EPHA7: variants seen among roughly 807,000 people sequenced by gnomAD.
EPHA7 encodes EPH receptor A7, also known as ephrin type-A receptor 7.
Under a neutral mutation model 112.6 loss-of-function variants are expected in EPHA7, and 25 were observed. The ratio of observed to expected loss-of-function variants is 0.22; its 90% CI spans 0.16 to 0.31. The LOEUF (loss-of-function observed/expected upper bound fraction) is 0.31. Among genes scored for constraint, EPHA7 ranks in the 10% least tolerant of loss-of-function variants. The pLI is 1.00. For synonymous variants in EPHA7, 437 were observed against 406.5 expected (o/e 1.07, Z -0.90); for missense variants, 962 against 1,212.6 (o/e 0.79, Z 3.07).
chr6:93,261,248 G>C (rs2127863034), intron 9 of EPHA7, among the ~76,000 whole-genome samples: 1 of 151,660 alleles, frequency 6.6e-6, no homozygotes, highest in African/African-American at 2.4e-5. Context: ...ATGAAAAGTT[G>C]AGGGTGCCTG....
At chr6:93,366,237 A>G (rs1454702606) in intron 3 of EPHA7, among the ~76,000 whole-genome samples, 1 of 152,204 alleles carries the variant, frequency 6.6e-6, no homozygotes, top group Non-Finnish European at 1.5e-5. Context: ...GTAATATGAT[A>G]CAGTGAAAGA....
chr6:93,251,418 T>C (rs1212777651), intron 14 of EPHA7, among the ~76,000 whole-genome samples: 1 of 151,784 alleles, frequency 6.6e-6, no homozygotes, highest in Non-Finnish European at 1.5e-5. Flanking sequence ...ATCTACCTAC[T>C]AGGAAAATTA....
At chr6:93,385,938 A>G (rs1777580218) in intron 3 of EPHA7, among the ~76,000 whole-genome samples, 1 of 152,150 alleles carries the variant, frequency 6.6e-6, no homozygotes, top group Non-Finnish European at 1.5e-5. Context: ...GAGTGGAGTC[A>G]AGGAAACTCC....
chr6:93,264,570 G>A, intron 8 of EPHA7, 24 bp downstream of exon 8: 1 of 1,441,178 alleles, frequency 6.9e-7, no homozygotes, highest in Non-Finnish European at 9.7e-7. Context: ...TTATGTTAGA[G>A]ATTAGAACAA....
At chr6:93,265,169 T>C (rs561835084) in intron 7 of EPHA7, among the ~76,000 whole-genome samples, 2 of 151,752 alleles carry the variant, frequency 1.3e-5, no homozygotes, top group East Asian at 3.9e-4. Flanking sequence ...TATCATCAAT[T>C]AAAATGGAAA....
intron 1 of EPHA7, among the ~76,000 whole-genome samples, chr6:93,416,685 C>T (rs1360483252): frequency 1.3e-5 from 2 of 152,224 alleles, no homozygotes; most frequent in Non-Finnish European, 2.9e-5. Context: ...TGCCGACCTC[C>T]CTTTGCGCCC....
intron 5 of EPHA7, among the ~76,000 whole-genome samples, chr6:93,342,457 C>T (rs927170205): frequency 1.3e-5 from 2 of 151,758 alleles, no homozygotes; most frequent in African/African-American, 2.4e-5. Context: ...ATGGAGATTG[C>T]AACCATAAAA....
At chr6:93,388,150 C>T (rs1268328022) in intron 3 of EPHA7, among the ~76,000 whole-genome samples, 8 of 152,092 alleles carry the variant, frequency 5.3e-5, no homozygotes. Flanking sequence ...TATCACATTA[C>T]TTTGTGCACT....
chr6:93,256,149 T>C, intron 12 of EPHA7, 112 bp from the exon 13 acceptor site: 1 of 862,308 alleles, frequency 1.2e-6, no homozygotes, highest in Non-Finnish European at 1.8e-6. Flanking sequence ...ATAGGAATTG[T>C]TAATTTTTTA....
chr6:93,385,288 G>A (rs920476865), intron 3 of EPHA7, among the ~76,000 whole-genome samples: 8 of 151,970 alleles, frequency 5.3e-5, no homozygotes, highest in Admixed American at 1.3e-4. Flanking sequence ...ATATGTGTAC[G>A]CATATGAATA....
chr6:93,329,510 A>G (rs561021693), intron 5 of EPHA7, among the ~76,000 whole-genome samples: 256 of 151,480 alleles, frequency 1.7e-3, no homozygotes, highest in African/African-American at 5.0e-3. Flanking sequence ...AAAGAACATG[A>G]GTGCTATGCC....
intron 5 of EPHA7, among the ~76,000 whole-genome samples, chr6:93,277,161 T>C (rs567485578): frequency 9.5e-4 from 145 of 152,196 alleles, no homozygotes; most frequent in African/African-American, 3.4e-3. Flanking sequence ...TTTTTAGCAA[T>C]CCTTGAAATA....
chr6:93,419,508 C>G lies in EPHA7; in HGVS notation c.-167G>C, dbSNP rs1185685929. 3 of 578,242 alleles carry G rather than the reference C, an allele frequency of 5.2e-6. No homozygotes were observed. Among genetic ancestry groups the G allele is most frequent in the Admixed American group, 3.4e-5 (1 of 29,674 alleles). 35.8% of individuals were successfully genotyped at this position (578,242 alleles called of 1,614,324 possible). The stretch of plus-strand genomic sequence containing the variant: ...TTAGCTTTTTTTAATTTCCCCCCCA[C>G]TCCTGTTCGCTCGCACCGTGTTTGC... On this transcript the variant is annotated 5_prime_UTR_variant, in exon 1 of 17. Transcript: ENST00000369303.
chr6:93,388,330 T>C (rs1391334652), intron 3 of EPHA7, among the ~76,000 whole-genome samples: 1 of 152,144 alleles, frequency 6.6e-6, no homozygotes, highest in African/African-American at 2.4e-5. Flanking sequence ...CAAAAGGCAT[T>C]TTCTCACCCT....
At chr6:93,391,186 T>C (rs1777887727) in intron 3 of EPHA7, among the ~76,000 whole-genome samples, 2 of 152,000 alleles carry the variant, frequency 1.3e-5, no homozygotes, top group African/African-American at 4.8e-5. Context: ...CAGAATTTTC[T>C]AGCAGGTGCT....
At chr6:93,260,522 T>C in intron 9 of EPHA7, 2 of 958,554 alleles carry the variant, frequency 2.1e-6, no homozygotes, top group Non-Finnish European at 2.5e-6. Context: ...TGAACAATCT[T>C]TTCATCAAAT....
chr6:93,414,629 A>G, intron 2 of EPHA7, 74 bp downstream of exon 2: 1 of 1,140,112 alleles, frequency 8.8e-7, no homozygotes. Flanking sequence ...AGTGTGAATA[A>G]TTACCCTGGA....
intron 9 of EPHA7, chr6:93,260,837 AAG>A (rs1349375344): frequency 4.4e-6 from 3 of 683,292 alleles, no homozygotes; most frequent in Non-Finnish European, 5.4e-6. Context: ...AGAAGGAGAA[AAG>A]AGAGAAGAAG....
At chr6:93,270,097 A>G (rs949640142) in intron 6 of EPHA7, among the ~76,000 whole-genome samples, 6 of 151,712 alleles carry the variant, frequency 4.0e-5, no homozygotes, top group Non-Finnish European at 7.4e-5. Context: ...GAAAGTTATT[A>G]AATCAAGAAA....
Sources: allele counts gnomAD v4.1 joint callset (sites outside exome capture counted in the v4.1 genomes callset), GRCh38; gene constraint gnomAD v4.1.1; transcripts MANE v1.5; gene names NCBI Gene and HGNC (gene_info 2026-07-23, HGNC 2026-07-21).